NRXN3: variants seen among roughly 807,000 people sequenced by gnomAD.
The protein encoded by NRXN3 is neurexin III.
A neutral mutation model predicts 137.6 loss-of-function variants in NRXN3; 32 were observed. The ratio of observed to expected loss-of-function variants is 0.23; its 90% CI spans 0.18 to 0.31. The LOEUF (loss-of-function observed/expected upper bound fraction) is 0.31. Among genes scored for constraint, NRXN3 ranks in the 10% least tolerant of loss-of-function variants. The pLI, the probability that NRXN3 is intolerant of heterozygous loss-of-function variation, is 1.00. For synonymous variants in NRXN3, 798 were observed against 784.5 expected (o/e 1.02, Z -0.29); for missense variants, 1,574 against 2,062.5 (o/e 0.76, Z 4.59).
At chr14:79,817,763 C>A (rs80071387) in intron 20 of NRXN3, among the ~76,000 whole-genome samples, 1 of 152,010 alleles carries the variant, frequency 6.6e-6, no homozygotes, top group Non-Finnish European at 1.5e-5. Context: ...AAATAGCTGC[C>A]GGCCTCCTTG....
intron 4 of NRXN3, among the ~76,000 whole-genome samples, chr14:78,535,432 TG>T (rs1427262493): frequency 6.6e-6 from 1 of 152,224 alleles, no homozygotes; most frequent in Non-Finnish European, 1.5e-5. Context: ...AGAACTTTGG[TG>T]TTAGAAAGAC....
intron 1 of NRXN3, among the ~76,000 whole-genome samples, chr14:78,179,670 A>G (rs923829360): frequency 1.3e-5 from 2 of 152,148 alleles, no homozygotes; most frequent in Non-Finnish European, 2.9e-5. Context: ...CTTGGGTGCC[A>G]GGGCAGGTGG....
At chr14:79,479,471 CA>C (rs1193280761) in intron 16 of NRXN3, among the ~76,000 whole-genome samples, 5 of 151,866 alleles carry the variant, frequency 3.3e-5, no homozygotes, top group African/African-American at 1.2e-4. Context: ...TGTTTGTTTT[CA>C]GTGTCATAGA....
intron 4 of NRXN3, among the ~76,000 whole-genome samples, chr14:78,608,461 G>A (rs979501398): frequency 2.0e-5 from 3 of 152,106 alleles, no homozygotes; most frequent in Non-Finnish European, 2.9e-5. Context: ...AATTTATACA[G>A]ATTTGTATTT....
rs188024740 is a variant in NRXN3 at position 78,630,465 on chromosome 14, A to G, written c.758-14655A>G. Among the ~76,000 whole-genome samples the G allele has an allele frequency of 1.3e-3, 201 of 152,302 alleles. 2 individuals carry two copies. Among genetic ancestry groups the G allele is most frequent in the Non-Finnish European group, 1.6e-4 (11 of 68,018 alleles). Reference sequence around the variant, plus strand: ...GTTCCAGAGTGATGTGTTTATCACTATGTTCCCAGTGCCTAGCAGTGTGTG... The same window carrying G: ...GTTCCAGAGTGATGTGTTTATCACTGTGTTCCCAGTGCCTAGCAGTGTGTG... On this transcript the variant is annotated intron_variant, in intron 4 of 20. Coordinates refer to ENST00000335750, the MANE Select transcript of NRXN3 (RefSeq NM_001330195.2).
Position 79,254,116 on chromosome 14 carries a change from T to C in NRXN3, c.3263-213105T>C, listed in dbSNP as rs929017292. Among the ~76,000 whole-genome samples, 4 of 152,050 alleles carry C rather than the reference T, an allele frequency of 2.6e-5. No individual in the cohort carries two copies. In the East Asian group the frequency reaches 5.8e-4, roughly 22 times the overall value. On this transcript the variant is annotated intron_variant, in intron 15 of 20. Transcript: ENST00000335750. ...TCCTATAAGAAGAAGAAGAGAAAGG[T>C]CTGAGAAAAATATGTGCCCCCATAA... is the stretch of plus-strand genomic sequence containing the variant.
At chr14:79,442,102 C>G (rs1359063257) in intron 15 of NRXN3, among the ~76,000 whole-genome samples, 2 of 152,090 alleles carry the variant, frequency 1.3e-5, no homozygotes, top group African/African-American at 4.8e-5. Context: ...ATTATTTTTC[C>G]TACCAGTTAA....
chr14:78,915,373 C>CACACA (rs1442797779), intron 10 of NRXN3, among the ~76,000 whole-genome samples: 22 of 36,540 alleles, frequency 6.0e-4, no homozygotes, highest in African/African-American at 2.6e-3. Context: ...AAAAAAAAAA[C>CACACA]CACACAGAAA....
chr14:79,537,177 T>C (rs141187833), intron 16 of NRXN3, among the ~76,000 whole-genome samples: 52 of 152,268 alleles, frequency 3.4e-4, no homozygotes, highest in African/African-American at 1.2e-3. Context: ...TGGAGTCTCA[T>C]TGTGGTTTTG....
rs1293738775 is a variant in NRXN3, at chr14:79,864,218, T to TGTAA, written c.*2257_*2260dup. On this transcript the variant is annotated 3_prime_UTR_variant, in exon 21 of 21. Transcript: ENST00000335750. ...AATACATTTGTTATATTCCTTTCAG[T>TGTAA]GTAAGTTTCTATTTGGACAATTTTA... 12 of 152,654 alleles carry TGTAA rather than the reference T, an allele frequency of 7.9e-5. No homozygotes were observed. Among genetic ancestry groups the TGTAA allele is most frequent in the African/African-American group, 2.9e-4 (12 of 41,460 alleles). The allele number at this position is 152,654 out of a possible 1,614,324, so 9.5% of individuals were successfully genotyped here.
chr14:79,555,976 C>T (rs543287025), intron 16 of NRXN3, among the ~76,000 whole-genome samples: 1 of 152,228 alleles, frequency 6.6e-6, no homozygotes, highest in South Asian at 2.1e-4. Context: ...TTCAGTCAAC[C>T]TCAATGGAGA....
At chr14:79,828,643 AAAATT>A (rs2099313060) in intron 20 of NRXN3, among the ~76,000 whole-genome samples, 1 of 96,340 alleles carries the variant, frequency 1.0e-5, no homozygotes, top group Non-Finnish European at 2.0e-5. Context: ...AAAAAAAAGT[AAAATT>A]GTCTTTTTTT....
intron 15 of NRXN3, among the ~76,000 whole-genome samples, chr14:79,378,045 TCAGG>T (rs2094356831): frequency 6.6e-6 from 1 of 152,218 alleles, no homozygotes; most frequent in African/African-American, 2.4e-5. Context: ...TGTCATGGCC[TCAGG>T]CTAATGACCC....
intron 1 of NRXN3, among the ~76,000 whole-genome samples, chr14:78,209,594 G>A (rs1259338134): frequency 6.6e-6 from 1 of 152,146 alleles, no homozygotes; most frequent in Non-Finnish European, 1.5e-5. Context: ...GCTAGCAAGA[G>A]CAGGGAAAAC....
At chr14:78,816,316 G>A (rs774682718) in intron 10 of NRXN3, among the ~76,000 whole-genome samples, 15 of 152,026 alleles carry the variant, frequency 9.9e-5, no homozygotes, top group Admixed American at 3.9e-4. Context: ...AGGGATTTTT[G>A]TATCTTCTTT....
At chr14:78,573,937 G>GA (rs2096912642) in intron 4 of NRXN3, among the ~76,000 whole-genome samples, 1 of 152,156 alleles carries the variant, frequency 6.6e-6, no homozygotes, top group African/African-American at 2.4e-5. Flanking sequence ...GGCCAAGGAG[G>GA]AAAAAATGGT....
intron 4 of NRXN3, among the ~76,000 whole-genome samples, chr14:78,303,447 C>G (rs2077063883): frequency 6.6e-6 from 1 of 152,150 alleles, no homozygotes; most frequent in Non-Finnish European, 1.5e-5. Flanking sequence ...CTCAAAATCT[C>G]TAATCCTCTT....
At chr14:79,500,054 A>G (rs1432984219) in intron 16 of NRXN3, among the ~76,000 whole-genome samples, 1 of 151,672 alleles carries the variant, frequency 6.6e-6, no homozygotes, top group Admixed American at 6.6e-5. Context: ...TTTTTAGTAA[A>G]GGTTATAAAT....
intron 4 of NRXN3, among the ~76,000 whole-genome samples, chr14:78,590,171 G>T (rs1312888729): frequency 1.3e-5 from 2 of 152,180 alleles, no homozygotes; most frequent in Non-Finnish European, 2.9e-5. Flanking sequence ...GCTCTTTGTG[G>T]TGTAGAAACA....
Sources: gnomAD v4.1 joint callset for allele counts (sites outside exome capture counted in the v4.1 genomes callset) on GRCh38, gnomAD v4.1.1 for gene constraint, MANE v1.5 for transcripts, NCBI Gene and HGNC (gene_info 2026-07-23, HGNC 2026-07-21) for gene names.